The following PDCD10 variants were observed in gnomAD, a reference collection of about 807,000 sequenced individuals.
The protein encoded by PDCD10 is programmed cell death 10, also known as programmed cell death protein 10.
In PDCD10, 4 loss-of-function variants were observed where a neutral mutation model predicts 29.2. That is an observed-to-expected ratio of 0.14 (90% confidence interval 0.07 to 0.31). The LOEUF (loss-of-function observed/expected upper bound fraction) is 0.31. Among genes scored for constraint, PDCD10 ranks in the 10% least tolerant of loss-of-function variants. The pLI is 1.00. For missense variants in PDCD10, 183 were observed against 257.9 expected, an observed-to-expected ratio of 0.71 and a Z score of 1.99; for synonymous variants, 70 against 82.2, an observed-to-expected ratio of 0.85 and a Z score of 0.80.
chr3:167,723,016 C>T (rs1018737387), intron 2 of PDCD10, among the ~76,000 whole-genome samples: 1 of 152,184 alleles, frequency 6.6e-6, no homozygotes, highest in African/African-American at 2.4e-5. Context: ...TACATGCCAT[C>T]TTTTAATACT....
chr3:167,693,451 C>T (rs190631111), intron 6 of PDCD10, among the ~76,000 whole-genome samples: 44 of 152,284 alleles, frequency 2.9e-4, no homozygotes, highest in African/African-American at 9.4e-4. Flanking sequence ...CTGTCACATA[C>T]GTCCCACCAA....
chr3:167,731,496 T>G (rs1724813021), intron 2 of PDCD10, among the ~76,000 whole-genome samples: 1 of 152,242 alleles, frequency 6.6e-6, no homozygotes, highest in Non-Finnish European at 1.5e-5. Flanking sequence ...ATGGCTCATT[T>G]GAAAGTTCTT....
At chr3:167,721,097 T>C (rs1046597439) in intron 2 of PDCD10, among the ~76,000 whole-genome samples, 2 of 152,160 alleles carry the variant, frequency 1.3e-5, no homozygotes, top group South Asian at 2.1e-4. Context: ...TTTAAAAAAA[T>C]GATCCTAATC....
At chr3:167,685,664 CTAAAT>C (rs1719543708) in intron 8 of PDCD10, among the ~76,000 whole-genome samples, 1 of 152,118 alleles carries the variant, frequency 6.6e-6, no homozygotes, top group Admixed American at 6.5e-5. Flanking sequence ...AAATTAGTCT[CTAAAT>C]TAATGTCTAC....
rs78417166 is a variant in PDCD10, at chr3:167,722,176, G to C, written c.-116-1903C>G. 9.4e-3 allele frequency among the ~76,000 whole-genome samples: 1,429 copies of C among 152,166 alleles called. 30 individuals carry two copies. The East Asian group carries it at 0.096, about 10-fold the overall frequency. On this transcript the variant is annotated intron_variant, in intron 2 of 8. Coordinates refer to ENST00000392750, the MANE Select transcript of PDCD10 (RefSeq NM_007217.4). The stretch of plus-strand genomic sequence containing the variant: ...CAGCAGAAGGCATGGTATCATCAAT[G>C]AAAAATCAAGTAAGAAATGGCAAAA...
intron 5 of PDCD10, among the ~76,000 whole-genome samples, chr3:167,696,245 A>G (rs1041411246): frequency 6.6e-6 from 1 of 152,196 alleles, no homozygotes; most frequent in Non-Finnish European, 1.5e-5. Flanking sequence ...AAACAAAAAC[A>G]CCAGCACAAA....
At chr3:167,690,102 T>C (rs1050886075) in intron 6 of PDCD10, among the ~76,000 whole-genome samples, 7 of 152,168 alleles carry the variant, frequency 4.6e-5, no homozygotes, top group Non-Finnish European at 1.0e-4. Context: ...TGAATGCGGC[T>C]TGGTGCAGAT....
rs556166463 is a variant in PDCD10 at position 167,730,686 on chromosome 3, C to G, written c.-117+3528G>C. ...GCTACAGAAACTCAGGGCTGTTGAC[C>G]TTACTCTATGCCATACCGTGGTACT... On this transcript the variant is annotated intron_variant, in intron 2 of 8. Transcript: ENST00000392750. The G allele has an allele frequency of 7.9e-5, 12 of 152,258 alleles. No individual in the cohort carries two copies. In the South Asian group the frequency reaches 2.5e-3, roughly 32 times the overall value. The allele number at this position is 152,258 out of a possible 1,614,324, so 9.4% of individuals were successfully genotyped here.
At chr3:167,719,591 T>C (rs747016217) in intron 3 of PDCD10, among the ~76,000 whole-genome samples, 9 of 152,166 alleles carry the variant, frequency 5.9e-5, no homozygotes, top group Non-Finnish European at 8.8e-5. Flanking sequence ...TTGTCACCAC[T>C]GACAATATAA....
intron 3 of PDCD10, among the ~76,000 whole-genome samples, chr3:167,716,844 C>T (rs547855806): frequency 8.0e-4 from 121 of 152,006 alleles, no homozygotes; most frequent in Middle Eastern, 3.4e-3. Context: ...TTTTTCAAAA[C>T]ATAATATATA....
chr3:167,705,771 TAGAA>T (rs1417601699), intron 3 of PDCD10, among the ~76,000 whole-genome samples: 2 of 152,132 alleles, frequency 1.3e-5, no homozygotes, highest in African/African-American at 4.8e-5. Context: ...TAAACAAATG[TAGAA>T]AGAAATAACT....
At chr3:167,724,376 TTCTC>T (rs1461231605) in intron 2 of PDCD10, among the ~76,000 whole-genome samples, 3 of 152,208 alleles carry the variant, frequency 2.0e-5, no homozygotes, top group African/African-American at 7.2e-5. Flanking sequence ...TTCCTATAAT[TTCTC>T]TCTCTAAAAA....
intron 3 of PDCD10, among the ~76,000 whole-genome samples, chr3:167,716,560 A>T (rs989907685): frequency 2.6e-5 from 4 of 151,766 alleles, no homozygotes; most frequent in African/African-American, 9.7e-5. Context: ...ACAAAAATTT[A>T]AAAAAATTTA....
intron 4 of PDCD10, among the ~76,000 whole-genome samples, chr3:167,702,756 C>G (rs1300092368): frequency 1.3e-5 from 2 of 152,052 alleles, no homozygotes; most frequent in Admixed American, 1.3e-4. Context: ...TTTCTTTCAT[C>G]TTTTTCAAAA....
intron 5 of PDCD10, 100 bp from the exon 6 acceptor site, chr3:167,695,822 T>G: frequency 8.6e-7 from 1 of 1,165,018 alleles, no homozygotes; most frequent in Non-Finnish European, 1.3e-6. Context: ...GTGAGGGAGG[T>G]GAAAGGCCAG....
intron 3 of PDCD10, among the ~76,000 whole-genome samples, chr3:167,709,533 G>A: frequency 6.6e-6 from 1 of 152,150 alleles, no homozygotes; most frequent in East Asian, 1.9e-4. Context: ...ACCCACAAAA[G>A]GTAGCATTTG....
intron 4 of PDCD10, among the ~76,000 whole-genome samples, chr3:167,703,851 A>G (rs1721688039): frequency 6.6e-6 from 1 of 152,220 alleles, no homozygotes; most frequent in Non-Finnish European, 1.5e-5. Flanking sequence ...AATTATTTTA[A>G]TAGTACATCC....
Position 167,689,387 on chromosome 3 carries a change from A to G in PDCD10, c.396-1694T>C, listed in dbSNP as rs116318242. On this transcript the variant is annotated intron_variant, in intron 6 of 8. Coordinates refer to ENST00000392750, the MANE Select transcript of PDCD10 (RefSeq NM_007217.4). The stretch of plus-strand genomic sequence containing the variant: ...TTTAAAATGGAATATAATGGAGCAA[A>G]TTACATAGTGATCAGACAGAAGTTT... Among the ~76,000 whole-genome samples, 1,159 of 152,328 alleles carry G rather than the reference A, an allele frequency of 7.6e-3. 36 individuals carry two copies. The highest frequency in any genetic ancestry group is 3.4e-3 in the Non-Finnish European group (234 of 68,018).
intron 3 of PDCD10, among the ~76,000 whole-genome samples, chr3:167,718,632 C>G: frequency 6.6e-6 from 1 of 151,752 alleles, no homozygotes; most frequent in Non-Finnish European, 1.5e-5. Context: ...GTAGGCCTTT[C>G]AAAAAGGCTA....
Sources: allele counts gnomAD v4.1 joint callset (sites outside exome capture counted in the v4.1 genomes callset), GRCh38; gene constraint gnomAD v4.1.1; transcripts MANE v1.5; gene names NCBI Gene and HGNC (gene_info 2026-07-23, HGNC 2026-07-21).